Variants in SPAG6 observed in about 807,000 individuals in gnomAD.
SPAG6 encodes sperm associated antigen 6.
A neutral mutation model predicts 58.5 loss-of-function variants in SPAG6; 49 were observed. The observed-to-expected ratio is 0.84, with a 90% CI of 0.67 to 1.06. SPAG6 has a LOEUF of 1.06. Ranked by LOEUF, SPAG6 falls within the 50% of genes least tolerant of loss-of-function variation. The probability of loss-of-function intolerance (pLI) is 0.00; values close to 1 mark genes in which losing one functional copy is unlikely to be tolerated. For synonymous variants in SPAG6, 233 were observed against 225.6 expected (o/e 1.03, Z -0.29); for missense variants, 560 against 611.3 (o/e 0.92, Z 0.89).
At chr10:22,385,819 G>A in intron 4 of SPAG6, among the ~76,000 whole-genome samples, 1 of 152,076 alleles carries the variant, frequency 6.6e-6, no homozygotes, top group East Asian at 1.9e-4. Context: ...ATATAACTAA[G>A]GCACTACACA....
chr10:22,368,616 T>C lies in SPAG6; in HGVS notation c.410T>C (p.Phe137Ser). 1 of 1,614,006 alleles carries C rather than the reference T, an allele frequency of 6.2e-7. No homozygotes were observed. Among genetic ancestry groups the C allele is most frequent in the Non-Finnish European group, 8.5e-7 (1 of 1,179,940 alleles). Reference sequence around the variant, plus strand: ...ACGCTGGTCATATGCTTGGAAGATTTTGACCCTGGAGTCAAGGAGGCTGCA... The same window carrying C: ...ACGCTGGTCATATGCTTGGAAGATTCTGACCCTGGAGTCAAGGAGGCTGCA... ...LDTLVICLED[F>S]DPGVKEAAAW... is the part of the protein sequence containing the mutation. The change falls in exon 4 of 11, where the codon TTT (phenylalanine) becomes TCT (serine). Residue 137 changes from phenylalanine to serine, a missense_variant. Physicochemically the swap from Phe to Ser is radical, Grantham distance 155 (BLOSUM62 -2). Transcript: ENST00000376624.
chr10:22,402,493 C>T (rs1832016716), intron 9 of SPAG6, among the ~76,000 whole-genome samples: 2 of 152,230 alleles, frequency 1.3e-5, no homozygotes, highest in African/African-American at 4.8e-5. Context: ...GCCTTCAGTT[C>T]TCTCAACTCT....
intron 4 of SPAG6, among the ~76,000 whole-genome samples, chr10:22,369,885 A>C (rs999450021): frequency 6.6e-6 from 1 of 152,218 alleles, no homozygotes; most frequent in African/African-American, 2.4e-5. Context: ...CAAAACTATT[A>C]AAGTCATTGC....
chr10:22,373,169 G>A (rs976609970), intron 4 of SPAG6, among the ~76,000 whole-genome samples: 1 of 152,146 alleles, frequency 6.6e-6, no homozygotes, highest in Non-Finnish European at 1.5e-5. Flanking sequence ...TGGGAGATGA[G>A]CTTGCTGCGC....
intron 8 of SPAG6, among the ~76,000 whole-genome samples, chr10:22,400,912 G>C (rs988040368): frequency 6.6e-6 from 1 of 151,798 alleles, no homozygotes; most frequent in Non-Finnish European, 1.5e-5. Flanking sequence ...TTTTCTTCTA[G>C]GTATTTTAAG....
chr10:22,365,519 A>G (rs532451340), intron 3 of SPAG6, among the ~76,000 whole-genome samples: 6 of 152,160 alleles, frequency 3.9e-5, no homozygotes, highest in Admixed American at 6.5e-5. Context: ...GTTAAGCACT[A>G]TCTGAAATTG....
At chr10:22,405,576 A>T (rs2130628388) in intron 9 of SPAG6, among the ~76,000 whole-genome samples, 1 of 150,422 alleles carries the variant, frequency 6.6e-6, no homozygotes, top group African/African-American at 2.5e-5. Context: ...AATGTTCATC[A>T]AGGATATTGG....
rs1327160664 is a variant in SPAG6, at chr10:22,417,397, G to A, written c.*709G>A. 6.6e-6 allele frequency: 1 copy of A among 152,078 alleles called. No individual in the cohort carries two copies. The highest frequency in any genetic ancestry group is 1.5e-5 in the Non-Finnish European group (1 of 68,016). The allele number at this position is 152,078 out of a possible 1,614,324, so 9.4% of individuals were successfully genotyped here. On this transcript the variant is annotated 3_prime_UTR_variant, in exon 11 of 11. Transcript: ENST00000376624. Reference sequence around the variant, plus strand: ...CTCCCTCTCATTGAAAGGTTTCTTAGTCTAGCTCTGCTCATGAATGAACAA... The same window carrying A: ...CTCCCTCTCATTGAAAGGTTTCTTAATCTAGCTCTGCTCATGAATGAACAA...
At chr10:22,356,639 C>T (rs1402822131) in intron 2 of SPAG6, among the ~76,000 whole-genome samples, 1 of 152,240 alleles carries the variant, frequency 6.6e-6, no homozygotes, top group African/African-American at 2.4e-5. Context: ...AACAACTATA[C>T]ATCCTTTGAC....
At chr10:22,353,145 T>C (rs1209218864) in intron 2 of SPAG6, among the ~76,000 whole-genome samples, 1 of 152,264 alleles carries the variant, frequency 6.6e-6, no homozygotes, top group Non-Finnish European at 1.5e-5. Context: ...TATCTAAAGA[T>C]AGATTTTCAA....
At chr10:22,406,883 A>G (rs1313291659) in intron 9 of SPAG6, among the ~76,000 whole-genome samples, 8 of 151,422 alleles carry the variant, frequency 5.3e-5, no homozygotes, top group Non-Finnish European at 8.9e-5. Context: ...TCCCTTTACC[A>G]TTATGTAATG....
At chr10:22,372,524 G>A (rs1833723260) in intron 4 of SPAG6, among the ~76,000 whole-genome samples, 1 of 152,078 alleles carries the variant, frequency 6.6e-6, no homozygotes, top group Non-Finnish European at 1.5e-5. Flanking sequence ...GAGGCTCCAG[G>A]CCCTCCTCCC....
Position 22,345,548 on chromosome 10 carries a change from TG to T in SPAG6, c.-62del. On this transcript the variant is annotated 5_prime_UTR_variant, in exon 1 of 11. Transcript: ENST00000376624. The surrounding 1 kb of genome is among the most constrained non-coding windows in gnomAD (Gnocchi z 6.3). ...GTCGTCGCCACGATCGCCCCCTTGG[TG>T]GACTCGCAGGCCGAGCGGCTTCCCC... 1 of 1,407,198 alleles carries T rather than the reference TG, an allele frequency of 7.1e-7. No homozygotes were observed. The highest frequency in any genetic ancestry group is 9.6e-7 in the Non-Finnish European group (1 of 1,041,484). 87.2% of individuals were successfully genotyped at this position (1,407,198 alleles called of 1,614,324 possible).
At chr10:22,400,217 G>T (rs1834377790) in intron 8 of SPAG6, among the ~76,000 whole-genome samples, 1 of 152,088 alleles carries the variant, frequency 6.6e-6, no homozygotes, top group Non-Finnish European at 1.5e-5. Context: ...GACCAGGTTG[G>T]GTAAGGCCTC....
intron 2 of SPAG6, among the ~76,000 whole-genome samples, chr10:22,347,893 A>G (rs1012820299): frequency 1.3e-5 from 2 of 152,238 alleles, no homozygotes; most frequent in African/African-American, 4.8e-5. Flanking sequence ...TCGAGATTCA[A>G]TTCAAGCATT....
chr10:22,409,745 A>AC (rs1324018362), intron 9 of SPAG6, among the ~76,000 whole-genome samples: 1 of 151,964 alleles, frequency 6.6e-6, no homozygotes, highest in Non-Finnish European at 1.5e-5. Flanking sequence ...CCACATTGTG[A>AC]CCCCACCCCT....
intron 2 of SPAG6, chr10:22,361,560 G>T (rs1050829263): frequency 2.0e-5 from 3 of 152,166 alleles, no homozygotes; most frequent in Non-Finnish European, 4.4e-5. Flanking sequence ...GCTGGGCATG[G>T]TGGTGCATGC....
At position 22,391,895 on chromosome 10, in the gene SPAG6, A is replaced by G. The variant is rs746020649; in HGVS notation, c.1172A>G (p.Glu391Gly). The change falls in exon 8 of 11, where the codon GAA (glutamate) becomes GGA (glycine). Residue 391 changes from glutamate (E) to glycine (G), a missense_variant. Transcript: ENST00000376624. ...PVLLSLYMST[E>G]SSEDLQVKSK... ...CTGCTTTCTTTGTACATGTCAACAG[A>G]AAGTTCTGAGGATCTCCAAGTAAAA... The G allele has an allele frequency of 6.2e-7, 1 of 1,612,966 alleles. No homozygotes were observed. Among genetic ancestry groups the G allele is most frequent in the East Asian group, 2.2e-5 (1 of 44,880 alleles).
chr10:22,351,411 A>G (rs563595425), intron 2 of SPAG6, among the ~76,000 whole-genome samples: 6 of 152,264 alleles, frequency 3.9e-5, no homozygotes, highest in East Asian at 1.9e-4. Flanking sequence ...TGCAGAGACT[A>G]CCTTGGACTG....
Sources: gnomAD v4.1 joint callset for allele counts (sites outside exome capture counted in the v4.1 genomes callset) on GRCh38, gnomAD v4.1.1 for gene constraint, Gnocchi (gnomAD v3.1) non-coding constraint, MANE v1.5 for transcripts, NCBI Gene and HGNC (gene_info 2026-07-23, HGNC 2026-07-21) for gene names.